The following PDE4D variants were observed in gnomAD, a reference collection of about 807,000 sequenced individuals.
PDE4D encodes the protein phosphodiesterase 4D.
PDE4D carries 24 observed loss-of-function variants against 87.4 expected under a neutral mutation model. That is an observed-to-expected ratio of 0.27 (90% CI 0.20 to 0.39). PDE4D has a LOEUF of 0.39. Ranked by LOEUF, PDE4D falls within the 10% of genes least tolerant of loss-of-function variation. PDE4D has a pLI of 1.00. For missense variants in PDE4D, 714 were observed against 1,041.0 expected (o/e 0.69, Z 4.32); for synonymous variants, 384 against 383.2 (o/e 1.00, Z -0.02).
intron 1 of PDE4D, among the ~76,000 whole-genome samples, chr5:59,738,345 C>T (rs1346462006): frequency 6.6e-6 from 1 of 151,974 alleles, no homozygotes; most frequent in East Asian, 1.9e-4. Context: ...AAATTTTGAA[C>T]AAAAAGAGTT....
intron 5 of PDE4D, among the ~76,000 whole-genome samples, chr5:59,133,170 G>A (rs1397678828): frequency 6.6e-6 from 1 of 152,036 alleles, no homozygotes; most frequent in East Asian, 1.9e-4. Flanking sequence ...AATGAAAAAG[G>A]TAGAGATTTT....
At chr5:59,960,300 A>C (rs1017509044) in intron 3 of PDE4D, among the ~76,000 whole-genome samples, 2 of 152,196 alleles carry the variant, frequency 1.3e-5, no homozygotes, top group African/African-American at 4.8e-5. Flanking sequence ...AGATTTCCAA[A>C]AGAACTAAAA....
chr5:59,455,824 G>C (rs1799838040), intron 1 of PDE4D, among the ~76,000 whole-genome samples: 1 of 152,254 alleles, frequency 6.6e-6, no homozygotes, highest in Admixed American at 6.5e-5. Context: ...CCAAATGTGA[G>C]ACATGGAGTT....
intron 1 of PDE4D, among the ~76,000 whole-genome samples, chr5:60,337,388 T>TATACACAC (rs66871903): frequency 0.016 from 1,402 of 89,040 alleles, 19 homozygotes; most frequent in East Asian, 0.031. Context: ...TATATATATA[T>TATACACAC]ACACACACAC....
intron 1 of PDE4D, among the ~76,000 whole-genome samples, chr5:59,672,026 A>G (rs567508812): frequency 1.3e-5 from 2 of 152,230 alleles, no homozygotes; most frequent in African/African-American, 4.8e-5. Flanking sequence ...CGATAACTCT[A>G]TAGCACACTC....
At chr5:59,167,424 T>C (rs1166622845) in intron 5 of PDE4D, among the ~76,000 whole-genome samples, 1 of 152,222 alleles carries the variant, frequency 6.6e-6, no homozygotes, top group African/African-American at 2.4e-5. Context: ...TACTTGTCAT[T>C]CAACTCTGAG....
At chr5:59,080,640 G>A (rs16889175) in intron 5 of PDE4D, among the ~76,000 whole-genome samples, 11,638 of 152,088 alleles carry the variant, frequency 0.077, 1,432 homozygotes, top group African/African-American at 0.26. Context: ...AGGGCAAAAC[G>A]GGGGCCCCAA....
At chr5:59,252,629 C>T (rs1460912243) in intron 1 of PDE4D, among the ~76,000 whole-genome samples, 1 of 151,982 alleles carries the variant, frequency 6.6e-6, no homozygotes, top group Non-Finnish European at 1.5e-5. Flanking sequence ...TCAAGCAATC[C>T]TCCCACCTCA....
intron 1 of PDE4D, among the ~76,000 whole-genome samples, chr5:59,228,842 T>TC (rs1160756570): frequency 2.0e-5 from 3 of 152,148 alleles, no homozygotes; most frequent in Non-Finnish European, 4.4e-5. Context: ...TCCCTAGCTG[T>TC]CCTTGAAGCA....
chr5:60,371,020 T>G (rs972724170), intron 1 of PDE4D, among the ~76,000 whole-genome samples: 1 of 152,192 alleles, frequency 6.6e-6, no homozygotes, highest in African/African-American at 2.4e-5. Context: ...AGCTCACAAC[T>G]CTAGCAAAAG....
At chr5:59,540,269 AT>A (rs1816079953) in intron 1 of PDE4D, among the ~76,000 whole-genome samples, 1 of 152,086 alleles carries the variant, frequency 6.6e-6, no homozygotes, top group Non-Finnish European at 1.5e-5. Flanking sequence ...TTTGGTACCA[AT>A]ATCTAACTCA....
At chr5:59,090,000 T>C (rs1405460543) in intron 5 of PDE4D, among the ~76,000 whole-genome samples, 1 of 152,006 alleles carries the variant, frequency 6.6e-6, no homozygotes, top group Non-Finnish European at 1.5e-5. Flanking sequence ...AGAGATTAGA[T>C]ATGAGGAGAG....
chr5:59,787,274 G>A (rs1765277326), intron 1 of PDE4D, among the ~76,000 whole-genome samples: 2 of 152,152 alleles, frequency 1.3e-5, no homozygotes, highest in South Asian at 4.1e-4. Context: ...AGGGGACTGG[G>A]GAGAATATTC....
At chr5:59,644,020 C>A (rs1194868656) in intron 1 of PDE4D, among the ~76,000 whole-genome samples, 3 of 152,116 alleles carry the variant, frequency 2.0e-5, no homozygotes, top group African/African-American at 7.2e-5. Flanking sequence ...GAGATAGAGT[C>A]TAGAGAATTT....
intron 1 of PDE4D, among the ~76,000 whole-genome samples, chr5:59,444,258 T>C (rs1798040574): frequency 6.6e-6 from 1 of 152,190 alleles, no homozygotes; most frequent in Non-Finnish European, 1.5e-5. Context: ...GCTACAGACC[T>C]TGGGCCTTGC....
chr5:60,319,766 T>G (rs1583409580), intron 1 of PDE4D, among the ~76,000 whole-genome samples: 1 of 152,206 alleles, frequency 6.6e-6, no homozygotes, highest in East Asian at 1.9e-4. Context: ...CCTGTTTCCC[T>G]GGGTATCAGC....
At chr5:59,825,867 TACTC>T (rs1278355505) in intron 1 of PDE4D, among the ~76,000 whole-genome samples, 5 of 152,174 alleles carry the variant, frequency 3.3e-5, no homozygotes, top group African/African-American at 1.2e-4. Flanking sequence ...GGAGGACACT[TACTC>T]AATTGTTCTG....
chr5:59,031,281 C>T (rs1266474996), intron 6 of PDE4D, among the ~76,000 whole-genome samples: 3 of 150,516 alleles, frequency 2.0e-5, no homozygotes, highest in Non-Finnish European at 4.4e-5. Context: ...TTTGCACTCC[C>T]ATATTCATTT....
At chr5:60,068,839 C>A (rs981517889) in intron 2 of PDE4D, among the ~76,000 whole-genome samples, 3 of 152,112 alleles carry the variant, frequency 2.0e-5, no homozygotes, top group African/African-American at 4.8e-5. Context: ...TGAGCTCAAA[C>A]AATTCACCCA....
Sources: gnomAD v4.1 joint callset for allele counts (sites outside exome capture counted in the v4.1 genomes callset) on GRCh38, gnomAD v4.1.1 for gene constraint, MANE v1.5 for transcripts, NCBI Gene and HGNC (gene_info 2026-07-23, HGNC 2026-07-21) for gene names.